The following STRBP variants were observed in gnomAD, a reference collection of about 807,000 sequenced individuals.
STRBP encodes spermatid perinuclear RNA-binding protein.
A neutral mutation model predicts 80.1 loss-of-function variants in STRBP; 13 were observed. That is an observed-to-expected ratio of 0.16 (90% confidence interval 0.11 to 0.26). The LOEUF (loss-of-function observed/expected upper bound fraction) is 0.26. Among genes scored for constraint, STRBP ranks in the 10% least tolerant of loss-of-function variants. STRBP has a pLI of 1.00. For synonymous variants in STRBP, 284 were observed against 291.2 expected (o/e 0.98, Z 0.25); for missense variants, 485 against 815.2 (o/e 0.59, Z 4.93).
At chr9:123,261,261 G>T (rs964514183) in intron 1 of STRBP, among the ~76,000 whole-genome samples, 1 of 152,164 alleles carries the variant, frequency 6.6e-6, no homozygotes, top group East Asian at 1.9e-4. Flanking sequence ...TTCAGTCCAT[G>T]AAAAGACTTG....
intron 11 of STRBP, among the ~76,000 whole-genome samples, chr9:123,150,165 T>C (rs911959510): frequency 6.6e-6 from 1 of 151,976 alleles, no homozygotes; most frequent in Non-Finnish European, 1.5e-5. Context: ...TGCTAAGAAA[T>C]GATGCAAAGG....
intron 6 of STRBP, among the ~76,000 whole-genome samples, chr9:123,166,794 A>AAC (rs1564257433): frequency 1.7e-4 from 24 of 144,748 alleles, no homozygotes; most frequent in African/African-American, 5.9e-4. Context: ...ACAACAACAA[A>AAC]AAAACAAGCC....
intron 2 of STRBP, among the ~76,000 whole-genome samples, chr9:123,226,328 G>A (rs982463315): frequency 8.6e-5 from 13 of 151,996 alleles, no homozygotes; most frequent in Non-Finnish European, 1.0e-4. Context: ...TCATAGAACC[G>A]TATATTCAAA....
At chr9:123,211,913 TA>T (rs1415269990) in intron 2 of STRBP, among the ~76,000 whole-genome samples, 16 of 152,140 alleles carry the variant, frequency 1.1e-4, no homozygotes, top group African/African-American at 3.9e-4. Context: ...AAAACTTCCA[TA>T]ATCTATAGAA....
chr9:123,262,584 T>A (rs1030428014), intron 1 of STRBP, among the ~76,000 whole-genome samples: 3 of 152,248 alleles, frequency 2.0e-5, no homozygotes, highest in African/African-American at 7.2e-5. Context: ...ATTTTATTAT[T>A]GATGTAATCA....
At chr9:123,192,498 G>A (rs1299238706) in intron 2 of STRBP, among the ~76,000 whole-genome samples, 1 of 152,158 alleles carries the variant, frequency 6.6e-6, no homozygotes, top group Non-Finnish European at 1.5e-5. Context: ...CCGTCGGGAG[G>A]CTGAAGTAGG....
At chr9:123,253,472 T>C (rs1055171958) in intron 1 of STRBP, among the ~76,000 whole-genome samples, 2 of 152,230 alleles carry the variant, frequency 1.3e-5, no homozygotes, top group Admixed American at 1.3e-4. Context: ...TGTTTCTTTT[T>C]GCCTGCTCAT....
chr9:123,175,594 A>G (rs1279822588), intron 4 of STRBP, among the ~76,000 whole-genome samples: 1 of 152,204 alleles, frequency 6.6e-6, no homozygotes, highest in Non-Finnish European at 1.5e-5. Flanking sequence ...AAGTGTAGGC[A>G]ATTGTCTGAT....
At chr9:123,161,150 AAAG>A in intron 6 of STRBP, 82 bp from the exon 7 acceptor site, 2 of 1,086,278 alleles carry the variant, frequency 1.8e-6, no homozygotes, top group South Asian at 3.0e-5. Context: ...TAAAAAATAA[AAAG>A]AATAACAGCA....
intron 2 of STRBP, among the ~76,000 whole-genome samples, chr9:123,230,831 T>G (rs1012299361): frequency 6.6e-6 from 1 of 152,204 alleles, no homozygotes; most frequent in South Asian, 2.1e-4. Context: ...CAAGAACACA[T>G]GTGCATCATT....
chr9:123,159,015 A>G, intron 9 of STRBP, 81 bp downstream of exon 9: 2 of 1,167,058 alleles, frequency 1.7e-6, no homozygotes, highest in Non-Finnish European at 2.6e-6. Flanking sequence ...CTGTGTAGAG[A>G]ACAAACTTAG....
chr9:123,243,063 C>A (rs2040727543), intron 1 of STRBP, among the ~76,000 whole-genome samples: 1 of 151,760 alleles, frequency 6.6e-6, no homozygotes, highest in Non-Finnish European at 1.5e-5. Context: ...AATTTAAAGA[C>A]TTATTATATA....
At chr9:123,253,280 TAA>T (rs2040954504) in intron 1 of STRBP, among the ~76,000 whole-genome samples, 1 of 152,236 alleles carries the variant, frequency 6.6e-6, no homozygotes, top group Non-Finnish European at 1.5e-5. Context: ...ATAATGTCCA[TAA>T]AGAGTTCCAA....
intron 1 of STRBP, among the ~76,000 whole-genome samples, chr9:123,259,048 T>C (rs2041101573): frequency 1.7e-5 from 2 of 114,478 alleles, no homozygotes; most frequent in African/African-American, 3.3e-5. Context: ...GAATAGACTA[T>C]AAGGAGGAAA....
chr9:123,136,311 T>G lies in STRBP; in HGVS notation c.1632+70A>C. The G allele has an allele frequency of 6.3e-7, 1 of 1,599,944 alleles. No homozygotes were observed. Among genetic ancestry groups the G allele is most frequent in the South Asian group, 1.1e-5 (1 of 89,068 alleles). On this transcript the variant is annotated intron_variant, in intron 15 of 18. Transcript: ENST00000348403. This position sits in a 1 kb window ranked among gnomAD's most constrained non-coding sequence, Gnocchi z 4.2. ...ACAAGAACTGACTCAGTCTAAAACT[T>G]TACATTAAGTTCAGGATATCCTATG...
intron 16 of STRBP, chr9:123,135,791 G>A: frequency 3.5e-6 from 1 of 283,082 alleles, no homozygotes; most frequent in Non-Finnish European, 6.6e-6. Flanking sequence ...TCCAAATAAT[G>A]CTAATAGCCT....
chr9:123,190,903 A>T (rs2038900621), intron 2 of STRBP, among the ~76,000 whole-genome samples: 1 of 152,228 alleles, frequency 6.6e-6, no homozygotes, highest in South Asian at 2.1e-4. Context: ...AACAACATTC[A>T]GCCAGACAGA....
At chr9:123,267,032 A>C (rs2041282573) in intron 1 of STRBP, among the ~76,000 whole-genome samples, 1 of 145,778 alleles carries the variant, frequency 6.9e-6, no homozygotes, top group Non-Finnish European at 1.5e-5. Flanking sequence ...CTCCTCCCCA[A>C]CCGCTCCACA....
At chr9:123,182,911 G>A (rs1334773518) in intron 3 of STRBP, among the ~76,000 whole-genome samples, 1 of 151,624 alleles carries the variant, frequency 6.6e-6, no homozygotes, top group Non-Finnish European at 1.5e-5. Context: ...TACTTGGGAG[G>A]CTTGAGGCAG....
Sources: gnomAD v4.1 joint callset for allele counts (sites outside exome capture counted in the v4.1 genomes callset) on GRCh38, gnomAD v4.1.1 for gene constraint, Gnocchi (gnomAD v3.1) non-coding constraint, MANE v1.5 for transcripts, NCBI Gene and HGNC (gene_info 2026-07-23, HGNC 2026-07-21) for gene names.